ETV6: variants seen among roughly 807,000 people sequenced by gnomAD.
The protein encoded by ETV6 is ETS variant transcription factor 6.
Under a neutral mutation model 51.1 loss-of-function variants are expected in ETV6, and 16 were observed. The observed-to-expected ratio is 0.31, with a 90% CI of 0.21 to 0.48. The LOEUF (loss-of-function observed/expected upper bound fraction) is 0.48, where lower values mean the gene tolerates loss of function less well. Among genes scored for constraint, ETV6 ranks in the 20% least tolerant of loss-of-function variants. ETV6 has a pLI of 0.99. For missense variants in ETV6, 458 were observed against 594.8 expected, an observed-to-expected ratio of 0.77 and a Z score of 2.39; for synonymous variants, 240 against 224.1, an observed-to-expected ratio of 1.07 and a Z score of -0.64.
intron 2 of ETV6, among the ~76,000 whole-genome samples, chr12:11,777,066 G>T (rs548521207): frequency 6.6e-6 from 1 of 151,968 alleles, no homozygotes; most frequent in Non-Finnish European, 1.5e-5. Context: ...GTGAAACCCC[G>T]TCTCTGCTAA....
Position 11,891,924 on chromosome 12 carries a change from CT to C in ETV6, c.*879del. On this transcript the variant is annotated 3_prime_UTR_variant, in exon 8 of 8. Coordinates refer to ENST00000396373, the MANE Select transcript of ETV6 (RefSeq NM_001987.5). ...TACATGCTAGTCCAGAGAGCCGCCC[CT>C]GAGATGGCTGTGAGAACCATGTGTC... 1 of 247,662 alleles carries C rather than the reference CT, an allele frequency of 4.0e-6. No individual in the cohort carries two copies. Among genetic ancestry groups the C allele is most frequent in the Admixed American group, 5.2e-5 (1 of 19,246 alleles). The allele number at this position is 247,662 out of a possible 1,614,324, so 15.3% of individuals were successfully genotyped here.
In ETV6 at chr12:11,771,595, TAA is replaced by T. The variant is rs1945242324; in HGVS notation, c.163+19017_163+19018del. ...CATGGCGCCAATGACAACTCTACAC[TAA>T]GAGCTTCAGGTTCCCATGAGAAAGT... On this transcript the variant is annotated intron_variant, in intron 2 of 7. Transcript: ENST00000396373. Among the ~76,000 whole-genome samples, 3 of 152,224 alleles carry T rather than the reference TAA, an allele frequency of 2.0e-5. No homozygotes were observed. The South Asian group carries it at 6.2e-4, about 32-fold the overall frequency.
intron 7 of ETV6, among the ~76,000 whole-genome samples, chr12:11,887,270 C>T (rs188972904): frequency 2.1e-4 from 32 of 152,228 alleles, no homozygotes; most frequent in Admixed American, 1.2e-3. Flanking sequence ...GAACTGATCC[C>T]GACACACAAC....
At chr12:11,709,209 C>G (rs1007216969) in intron 1 of ETV6, among the ~76,000 whole-genome samples, 3 of 152,144 alleles carry the variant, frequency 2.0e-5, no homozygotes, top group Non-Finnish European at 2.9e-5. Context: ...GATATTGATA[C>G]CCTACCTATA....
At chr12:11,676,713 A>C (rs1037619564) in intron 1 of ETV6, among the ~76,000 whole-genome samples, 1 of 152,168 alleles carries the variant, frequency 6.6e-6, no homozygotes, top group African/African-American at 2.4e-5. Flanking sequence ...GTTTGTATGC[A>C]TCATTTGTCA....
At chr12:11,728,978 A>G (rs1865543929) in intron 1 of ETV6, among the ~76,000 whole-genome samples, 1 of 152,232 alleles carries the variant, frequency 6.6e-6, no homozygotes, top group African/African-American at 2.4e-5. Context: ...TATCAAAATG[A>G]TAATATGTAC....
intron 1 of ETV6, among the ~76,000 whole-genome samples, chr12:11,674,615 T>TTGTGTGTGTGTGTGTGTGTG (rs5796457): frequency 2.3e-5 from 3 of 133,162 alleles, no homozygotes; most frequent in African/African-American, 5.7e-5. Context: ...TAGGGGTTAT[T>TTGTGTGTGTGTGTGTGTGTG]TGTGTGTGTG....
At chr12:11,713,207 TATATTTATCCTCTAAAATGAGGATAATG>T (rs1865204795) in intron 1 of ETV6, among the ~76,000 whole-genome samples, 1 of 152,208 alleles carries the variant, frequency 6.6e-6, no homozygotes, top group South Asian at 2.1e-4. Context: ...TGAGGATAAT[TATATTTATCCTCTAAAATGAGGATAATG>T]ATATTTATCT....
intron 7 of ETV6, among the ~76,000 whole-genome samples, chr12:11,886,561 G>A (rs1947189260): frequency 6.6e-6 from 1 of 152,144 alleles, no homozygotes; most frequent in Non-Finnish European, 1.5e-5. Context: ...TCATGAAAAT[G>A]TTGTTCCAGG....
chr12:11,758,932 T>C (rs997343142), intron 2 of ETV6, among the ~76,000 whole-genome samples: 2 of 152,222 alleles, frequency 1.3e-5, no homozygotes, highest in Non-Finnish European at 2.9e-5. Context: ...CTTGAAGCTT[T>C]CTACTTTCCC....
intron 2 of ETV6, among the ~76,000 whole-genome samples, chr12:11,761,498 A>G (rs578054610): frequency 6.6e-6 from 1 of 152,364 alleles, no homozygotes; most frequent in Admixed American, 6.5e-5. Flanking sequence ...ATTAAACAGT[A>G]AGAAAGATGC....
chr12:11,838,957 C>T (rs1216534283), intron 2 of ETV6, among the ~76,000 whole-genome samples, 183 bp from the exon 3 acceptor site: 3 of 152,246 alleles, frequency 2.0e-5, no homozygotes, highest in Non-Finnish European at 2.9e-5. Flanking sequence ...TTCTGGGCTT[C>T]GAGAAGCCCC....
chr12:11,783,566 G>A (rs546193282), intron 2 of ETV6, among the ~76,000 whole-genome samples: 3 of 152,080 alleles, frequency 2.0e-5, no homozygotes, highest in South Asian at 2.1e-4. Context: ...TTTAATGGAC[G>A]GTATTTAGCC....
chr12:11,770,992 A>G (rs560413822), intron 2 of ETV6, among the ~76,000 whole-genome samples: 1 of 152,260 alleles, frequency 6.6e-6, no homozygotes, highest in East Asian at 1.9e-4. Flanking sequence ...GACATGCTTT[A>G]ACTTGTGACC....
intron 1 of ETV6, among the ~76,000 whole-genome samples, chr12:11,744,604 G>A (rs1865873342): frequency 6.6e-6 from 1 of 152,176 alleles, no homozygotes; most frequent in South Asian, 2.1e-4. Flanking sequence ...CACTTTTATG[G>A]CGTTTCCAGG....
At chr12:11,699,527 G>A (rs1288032653) in intron 1 of ETV6, among the ~76,000 whole-genome samples, 4 of 152,176 alleles carry the variant, frequency 2.6e-5, no homozygotes, top group Admixed American at 2.6e-4. Flanking sequence ...AAATGCAGGG[G>A]TGTGTGTGTT....
intron 2 of ETV6, among the ~76,000 whole-genome samples, chr12:11,789,371 C>T (rs1406766331): frequency 1.3e-5 from 2 of 152,116 alleles, no homozygotes; most frequent in East Asian, 3.8e-4. Flanking sequence ...TTATCTCCTT[C>T]ACTAATTCAT....
intron 3 of ETV6, among the ~76,000 whole-genome samples, chr12:11,845,533 T>C (rs1167764853): frequency 1.3e-5 from 2 of 152,222 alleles, no homozygotes; most frequent in Non-Finnish European, 2.9e-5. Flanking sequence ...ACCTGTTCCT[T>C]TTTTCTCAGG....
rs139349256 is a variant in ETV6, at chr12:11,756,479, A to G, written c.163+3900A>G. On this transcript the variant is annotated intron_variant, in intron 2 of 7. Coordinates refer to ENST00000396373, the MANE Select transcript of ETV6 (RefSeq NM_001987.5). The stretch of plus-strand genomic sequence containing the variant: ...AGTACAATTACAGTAGACAGGTGGG[A>G]AAAAAAAAGTTGCATTCTTTAAAGG... 2.9e-3 allele frequency among the ~76,000 whole-genome samples: 440 copies of G among 151,294 alleles called. 1 individual carries two copies. The highest frequency in any genetic ancestry group is 9.9e-3 in the African/African-American group (408 of 41,384).
Sources: gnomAD v4.1 joint callset for allele counts (sites outside exome capture counted in the v4.1 genomes callset) on GRCh38, gnomAD v4.1.1 for gene constraint, MANE v1.5 for transcripts, NCBI Gene and HGNC (gene_info 2026-07-23, HGNC 2026-07-21) for gene names.